SYT1: variants seen among roughly 807,000 people sequenced by gnomAD.
SYT1 encodes the protein synaptotagmin-1.
Under a neutral mutation model 44.8 loss-of-function variants are expected in SYT1, and 8 were observed. The ratio of observed to expected loss-of-function variants is 0.18; its 90% CI spans 0.10 to 0.32. SYT1 has a LOEUF of 0.32. Ranked by LOEUF, SYT1 falls within the 10% of genes least tolerant of loss-of-function variation. SYT1 has a pLI of 1.00. For synonymous variants in SYT1, 154 were observed against 188.8 expected, an observed-to-expected ratio of 0.82 and a Z score of 1.51; for missense variants, 286 against 509.3, an observed-to-expected ratio of 0.56 and a Z score of 4.22.
At chr12:79,069,685 G>A (rs1370796454) in intron 3 of SYT1, among the ~76,000 whole-genome samples, 1 of 151,966 alleles carries the variant, frequency 6.6e-6, no homozygotes, top group Non-Finnish European at 1.5e-5. Flanking sequence ...GTTTACAAAT[G>A]AACACATAAT....
intron 3 of SYT1, among the ~76,000 whole-genome samples, chr12:79,076,255 A>G (rs1312824211): frequency 6.6e-6 from 1 of 152,092 alleles, no homozygotes; most frequent in Non-Finnish European, 1.5e-5. Context: ...TTCTCTGGGT[A>G]TAGCGAGGCA....
intron 9 of SYT1, among the ~76,000 whole-genome samples, chr12:79,406,373 C>T (rs1352645127): frequency 6.6e-6 from 1 of 152,094 alleles, no homozygotes; most frequent in African/African-American, 2.4e-5. Flanking sequence ...TGATTTCCAC[C>T]TTATTCTATA....
At chr12:78,895,100 A>G (rs746125894) in intron 1 of SYT1, among the ~76,000 whole-genome samples, 8 of 151,738 alleles carry the variant, frequency 5.3e-5, no homozygotes, top group Non-Finnish European at 1.0e-4. Flanking sequence ...CCAAGCCACT[A>G]TTTTTGATGT....
At chr12:79,390,630 C>T (rs1349842456) in intron 9 of SYT1, among the ~76,000 whole-genome samples, 1 of 152,236 alleles carries the variant, frequency 6.6e-6, no homozygotes, top group East Asian at 1.9e-4. Context: ...GGGTTTAGCT[C>T]TTTTCTATGC....
chr12:78,949,959 C>A lies in SYT1; in HGVS notation c.-216-27840C>A, dbSNP rs142801689. 1.1e-3 allele frequency among the ~76,000 whole-genome samples: 169 copies of A among 152,078 alleles called. 1 individual carries two copies. The highest frequency in any genetic ancestry group is 3.9e-3 in the African/African-American group (162 of 41,544). On this transcript the variant is annotated intron_variant, in intron 1 of 10. Coordinates refer to ENST00000261205, the MANE Select transcript of SYT1 (RefSeq NM_005639.3). ...TAATATAATAAATGTTTGTACATAG[C>A]AGCAGAATAACTTTTTTTCACAAGT...
intron 8 of SYT1, among the ~76,000 whole-genome samples, chr12:79,332,723 A>G (rs1329319144): frequency 6.6e-6 from 1 of 152,192 alleles, no homozygotes; most frequent in African/African-American, 2.4e-5. Context: ...TTTGTGAAGG[A>G]GGTAACTCAT....
chr12:79,104,186 A>G (rs922034847), intron 3 of SYT1, among the ~76,000 whole-genome samples: 4 of 151,062 alleles, frequency 2.6e-5, no homozygotes, highest in Admixed American at 1.3e-4. Context: ...GGTCTACTCT[A>G]TCAGACAACA....
intron 3 of SYT1, among the ~76,000 whole-genome samples, chr12:79,113,950 C>T (rs1879146890): frequency 1.3e-5 from 2 of 152,254 alleles, no homozygotes; most frequent in African/African-American, 4.8e-5. Flanking sequence ...TCCATCCGTT[C>T]ATTCAACCAA....
intron 9 of SYT1, among the ~76,000 whole-genome samples, chr12:79,381,013 A>T (rs1320062521): frequency 1.3e-5 from 2 of 152,164 alleles, no homozygotes; most frequent in Non-Finnish European, 2.9e-5. Context: ...AATTCCTACG[A>T]CAAAACTAGG....
At chr12:79,134,543 C>T (rs556526099) in intron 3 of SYT1, among the ~76,000 whole-genome samples, 195 of 152,182 alleles carry the variant, frequency 1.3e-3, no homozygotes, top group African/African-American at 4.6e-3. Flanking sequence ...TCAAAGACAT[C>T]GCTAGTACTA....
At position 79,449,263 on chromosome 12, in the gene SYT1, T is replaced by C; in HGVS notation, c.*139T>C. The C allele has an allele frequency of 1.1e-6, 1 of 908,800 alleles. No individual in the cohort carries two copies. The highest frequency in any genetic ancestry group is 1.8e-5 in the South Asian group (1 of 56,438). The allele number at this position is 908,800 out of a possible 1,614,324, so 56.3% of individuals were successfully genotyped here. On this transcript the variant is annotated 3_prime_UTR_variant, in exon 11 of 11. Coordinates refer to ENST00000261205, the MANE Select transcript of SYT1 (RefSeq NM_005639.3). Reference sequence around the variant, plus strand: ...TTCAGTGGTACTTGGAATCCTGTTTTAATTTGCACAAATTTAAATGTAGAG... The same window carrying C: ...TTCAGTGGTACTTGGAATCCTGTTTCAATTTGCACAAATTTAAATGTAGAG...
chr12:78,994,029 T>G (rs1369479875), intron 2 of SYT1, among the ~76,000 whole-genome samples: 1 of 152,228 alleles, frequency 6.6e-6, no homozygotes, highest in Non-Finnish European at 1.5e-5. Context: ...GCCTACAAAG[T>G]GACCCAAAAC....
Position 79,367,281 on chromosome 12 carries a change from T to C in SYT1, c.928+13662T>C, listed in dbSNP as rs370205188. ...AATTATCAAGTTAATGCCTGGTTGCTGGACAAACTCTCCCTCTCTCTAAAA... is the reference window on the plus strand; with the variant it reads ...AATTATCAAGTTAATGCCTGGTTGCCGGACAAACTCTCCCTCTCTCTAAAA... On this transcript the variant is annotated intron_variant, in intron 9 of 10. Transcript: ENST00000261205. Among the ~76,000 whole-genome samples, 13 of 152,256 alleles carry C rather than the reference T, an allele frequency of 8.5e-5. No homozygotes were observed. The East Asian group carries it at 2.3e-3, about 27-fold the overall frequency.
At chr12:79,328,960 T>C (rs1881733435) in intron 8 of SYT1, among the ~76,000 whole-genome samples, 1 of 152,210 alleles carries the variant, frequency 6.6e-6, no homozygotes, top group South Asian at 2.1e-4. Context: ...GCCTTTATCT[T>C]TGCAGCTTAG....
intron 3 of SYT1, among the ~76,000 whole-genome samples, chr12:79,127,046 TCA>T (rs1362391385): frequency 1.3e-5 from 2 of 152,214 alleles, no homozygotes; most frequent in Non-Finnish European, 2.9e-5. Context: ...GTCTATTGTC[TCA>T]CACTGTTAAA....
chr12:79,198,484 T>C (rs1873590228), intron 3 of SYT1, among the ~76,000 whole-genome samples: 1 of 151,600 alleles, frequency 6.6e-6, no homozygotes, highest in Non-Finnish European at 1.5e-5. Context: ...TAGCCAAATA[T>C]TTGAATATAA....
chr12:79,063,932 T>G (rs1565788743), intron 3 of SYT1, among the ~76,000 whole-genome samples: 1 of 152,164 alleles, frequency 6.6e-6, no homozygotes, highest in Non-Finnish European at 1.5e-5. Context: ...CGAGATTGGT[T>G]TCTCCCTCTC....
intron 9 of SYT1, among the ~76,000 whole-genome samples, chr12:79,380,340 T>G (rs1482318470): frequency 6.6e-6 from 1 of 152,212 alleles, no homozygotes; most frequent in Non-Finnish European, 1.5e-5. Context: ...TTCATTGCCA[T>G]TTATACCTTA....
At chr12:78,886,502 C>T (rs757701643) in intron 1 of SYT1, among the ~76,000 whole-genome samples, 10 of 151,936 alleles carry the variant, frequency 6.6e-5, no homozygotes, top group African/African-American at 9.7e-5. Context: ...TAATCATCAC[C>T]TAAATGTTGC....
Sources: allele counts gnomAD v4.1 joint callset (sites outside exome capture counted in the v4.1 genomes callset), GRCh38; gene constraint gnomAD v4.1.1; transcripts MANE v1.5; gene names NCBI Gene and HGNC (gene_info 2026-07-23, HGNC 2026-07-21).